SNTG1: variants seen among roughly 807,000 people sequenced by gnomAD.
SNTG1 encodes the protein gamma-1-syntrophin.
A neutral mutation model predicts 74.7 loss-of-function variants in SNTG1; 39 were observed. The ratio of observed to expected loss-of-function variants is 0.52; its 90% CI spans 0.40 to 0.68. The LOEUF (loss-of-function observed/expected upper bound fraction) is 0.68, where lower values mean the gene tolerates loss of function less well. Ranked by LOEUF, SNTG1 falls within the 30% of genes least tolerant of loss-of-function variation. SNTG1 has a pLI of 0.00. For synonymous variants in SNTG1, 254 were observed against 217.1 expected (o/e 1.17, Z -1.49); for missense variants, 685 against 609.5 (o/e 1.12, Z -1.30).
chr8:50,058,667 A>G (rs1248053480), intron 1 of SNTG1, among the ~76,000 whole-genome samples: 1 of 152,044 alleles, frequency 6.6e-6, no homozygotes, highest in African/African-American at 2.4e-5. Context: ...TGGCACAATA[A>G]AGCAACGAGG....
At chr8:50,403,792 A>G (rs1207333776) in intron 4 of SNTG1, among the ~76,000 whole-genome samples, 1 of 152,216 alleles carries the variant, frequency 6.6e-6, no homozygotes, top group African/African-American at 2.4e-5. Flanking sequence ...CTTTAGCAAG[A>G]TATGAATAGA....
At chr8:50,613,584 T>G (rs1351284784) in intron 13 of SNTG1, among the ~76,000 whole-genome samples, 1 of 152,194 alleles carries the variant, frequency 6.6e-6, no homozygotes, top group African/African-American at 2.4e-5. Flanking sequence ...GATATCATCA[T>G]TTACATTTAA....
At position 50,678,404 on chromosome 8, in the gene SNTG1, T is replaced by G. The variant is rs150362955; in HGVS notation, c.1038+19741T>G. On this transcript the variant is annotated intron_variant, in intron 15 of 18. Transcript: ENST00000642720. ...AAGCACCCAACTTTTCTGGACCAAG[T>G]TGCTCTGTGTTCTTACTATATCCAG... is the stretch of plus-strand genomic sequence containing the variant. Among the ~76,000 whole-genome samples the G allele has an allele frequency of 2.9e-3, 443 of 152,184 alleles. 6 individuals carry two copies. Among genetic ancestry groups the G allele is most frequent in the African/African-American group, 0.01 (433 of 41,560 alleles).
intron 18 of SNTG1, among the ~76,000 whole-genome samples, chr8:50,758,643 G>A (rs1274817823): frequency 6.6e-6 from 1 of 152,028 alleles, no homozygotes; most frequent in Non-Finnish European, 1.5e-5. Flanking sequence ...CCCTGCAAAG[G>A]ACATGAACTC....
chr8:50,638,391 C>A (rs1466756802), intron 13 of SNTG1, among the ~76,000 whole-genome samples: 1 of 152,042 alleles, frequency 6.6e-6, no homozygotes, highest in Admixed American at 6.6e-5. Context: ...CTATAATGTA[C>A]TAAGCCTGTA....
chr8:50,649,837 T>C (rs1309145583), intron 13 of SNTG1, among the ~76,000 whole-genome samples: 2 of 151,946 alleles, frequency 1.3e-5, no homozygotes, highest in African/African-American at 4.8e-5. Context: ...GTAATATAAT[T>C]TATTTTGGAT....
rs184571139 is a variant in SNTG1, at chr8:50,066,795, C to T, written c.-102-105766C>T. ...ATCTTCACAGACAATTCCCTCTGCA[C>T]GTTGACTTTGTACCGTTATATCTGT... On this transcript the variant is annotated intron_variant, in intron 1 of 18. Transcript: ENST00000642720. Among the ~76,000 whole-genome samples the T allele has an allele frequency of 9.9e-5, 15 of 152,262 alleles. No homozygotes were observed. The South Asian group carries it at 1.9e-3, about 19-fold the overall frequency.
At chr8:50,601,248 G>A (rs1399551981) in intron 13 of SNTG1, among the ~76,000 whole-genome samples, 6 of 133,784 alleles carry the variant, frequency 4.5e-5, no homozygotes, top group Admixed American at 2.4e-4. Context: ...TGTTTTTTAT[G>A]TAGGCACTTA....
chr8:50,748,630 A>C (rs1467953144), intron 17 of SNTG1, among the ~76,000 whole-genome samples: 1 of 152,018 alleles, frequency 6.6e-6, no homozygotes, highest in Non-Finnish European at 1.5e-5. Context: ...CCACTCTATC[A>C]GCTGTTTTTC....
At chr8:50,057,682 C>A (rs1354603567) in intron 1 of SNTG1, among the ~76,000 whole-genome samples, 2 of 152,110 alleles carry the variant, frequency 1.3e-5, no homozygotes, top group Non-Finnish European at 2.9e-5. Flanking sequence ...AATGAAGTGT[C>A]ATCGGAAGCT....
chr8:50,717,971 A>C (rs1336116398), intron 17 of SNTG1, among the ~76,000 whole-genome samples: 1 of 152,144 alleles, frequency 6.6e-6, no homozygotes, highest in African/African-American at 2.4e-5. Flanking sequence ...AGCAGAGTTA[A>C]TGTCTGTTAC....
At chr8:50,729,489 T>C (rs756860832) in intron 17 of SNTG1, among the ~76,000 whole-genome samples, 1 of 152,210 alleles carries the variant, frequency 6.6e-6, no homozygotes, top group Non-Finnish European at 1.5e-5. Context: ...ACACTTCTAA[T>C]GTCATAGAGT....
chr8:50,421,257 A>T (rs181446648), intron 4 of SNTG1, among the ~76,000 whole-genome samples: 2 of 152,282 alleles, frequency 1.3e-5, no homozygotes, highest in Admixed American at 6.5e-5. Flanking sequence ...AAGGAATAAA[A>T]GAATGGTTAC....
chr8:50,550,697 A>ATATATATATATATATATG (rs1563561472), intron 11 of SNTG1, among the ~76,000 whole-genome samples: 69 of 149,880 alleles, frequency 4.6e-4, no homozygotes, highest in African/African-American at 1.5e-3. Context: ...GTGTGTGTAT[A>ATATATATATATATATATG]TATATATATA....
At chr8:50,519,116 C>T (rs78801572) in intron 9 of SNTG1, among the ~76,000 whole-genome samples, 38 of 152,182 alleles carry the variant, frequency 2.5e-4, no homozygotes, top group East Asian at 7.7e-4. Context: ...ACGATCAAGC[C>T]GGCTTCATCC....
chr8:50,483,111 A>T (rs1336581743), intron 8 of SNTG1, among the ~76,000 whole-genome samples: 1 of 152,198 alleles, frequency 6.6e-6, no homozygotes, highest in Non-Finnish European at 1.5e-5. Flanking sequence ...ATTTTCATAT[A>T]AGTAAAATGG....
chr8:49,929,728 T>A (rs914742719), intron 1 of SNTG1, among the ~76,000 whole-genome samples: 39 of 152,080 alleles, frequency 2.6e-4, no homozygotes, highest in Non-Finnish European at 4.9e-4. Context: ...TAATTTTTTT[T>A]ATTATACTTT....
chr8:50,501,487 G>A (rs1401560754), intron 8 of SNTG1, among the ~76,000 whole-genome samples: 4 of 140,178 alleles, frequency 2.9e-5, no homozygotes, highest in Non-Finnish European at 6.1e-5. Flanking sequence ...CCAGGCTGGA[G>A]TGCAGAGGTG....
intron 17 of SNTG1, among the ~76,000 whole-genome samples, chr8:50,716,133 T>TATATGATC (rs2095474413): frequency 6.6e-6 from 1 of 152,184 alleles, no homozygotes; most frequent in Non-Finnish European, 1.5e-5. Flanking sequence ...TTAGGCTTTT[T>TATATGATC]ATATAAAGCA....
Sources: allele counts gnomAD v4.1 joint callset (sites outside exome capture counted in the v4.1 genomes callset), GRCh38; gene constraint gnomAD v4.1.1; transcripts MANE v1.5; gene names NCBI Gene and HGNC (gene_info 2026-07-23, HGNC 2026-07-21).